LDLRAD3: variants seen among roughly 807,000 people sequenced by gnomAD.
LDLRAD3 encodes the protein low-density lipoprotein receptor class A domain-containing protein 3.
LDLRAD3 carries 20 observed loss-of-function variants against 29.4 expected under a neutral mutation model. That is an observed-to-expected ratio of 0.68 (90% confidence interval 0.48 to 0.99). The LOEUF is 0.99. Ranked by LOEUF, LDLRAD3 falls within the 50% of genes least tolerant of loss-of-function variation. The pLI, the probability that LDLRAD3 is intolerant of heterozygous loss-of-function variation, is 0.00. For synonymous variants in LDLRAD3, 157 were observed against 192.7 expected (o/e 0.81, Z 1.53); for missense variants, 420 against 454.3 (o/e 0.92, Z 0.69).
intron 4 of LDLRAD3, among the ~76,000 whole-genome samples, chr11:36,192,315 A>G (rs923612204): frequency 1.3e-5 from 2 of 152,202 alleles, no homozygotes; most frequent in African/African-American, 4.8e-5. Flanking sequence ...GGGCATGCAG[A>G]AGACCACTGC....
intron 1 of LDLRAD3, among the ~76,000 whole-genome samples, chr11:36,015,665 C>T (rs1590207422): frequency 6.6e-6 from 1 of 151,894 alleles, no homozygotes; most frequent in Non-Finnish European, 1.5e-5. Context: ...TCCCCCTGCC[C>T]CCCGCCACTG....
intron 1 of LDLRAD3, among the ~76,000 whole-genome samples, chr11:36,017,793 G>A (rs1852043093): frequency 6.6e-6 from 1 of 152,128 alleles, no homozygotes; most frequent in Non-Finnish European, 1.5e-5. Context: ...CACAGTGCTG[G>A]AATTATAGGC....
At chr11:36,166,147 G>C (rs1386553666) in intron 4 of LDLRAD3, among the ~76,000 whole-genome samples, 1 of 152,112 alleles carries the variant, frequency 6.6e-6, no homozygotes, top group Non-Finnish European at 1.5e-5. Flanking sequence ...ATAGTTGTTT[G>C]GCAGAAGGTC....
At chr11:36,103,257 A>C (rs1853476616) in intron 4 of LDLRAD3, among the ~76,000 whole-genome samples, 1 of 125,518 alleles carries the variant, frequency 8.0e-6, no homozygotes, top group African/African-American at 3.2e-5. Flanking sequence ...TTTTTTTTGA[A>C]GTGGAGTCTC....
At chr11:36,029,348 T>G (rs1230644309) in intron 1 of LDLRAD3, among the ~76,000 whole-genome samples, 2 of 152,216 alleles carry the variant, frequency 1.3e-5, no homozygotes, top group African/African-American at 4.8e-5. Context: ...TCCATAATAA[T>G]TGCTATCTTG....
intron 1 of LDLRAD3, among the ~76,000 whole-genome samples, chr11:35,986,433 T>C (rs1851615759): frequency 6.6e-6 from 1 of 152,234 alleles, no homozygotes; most frequent in African/African-American, 2.4e-5. Flanking sequence ...TAACCTGTTA[T>C]TTATTGTGAT....
chr11:35,997,416 G>C (rs2133173854), intron 1 of LDLRAD3: 1 of 418,502 alleles, frequency 2.4e-6, no homozygotes, highest in East Asian at 6.3e-5. Flanking sequence ...TCTCTTTGTG[G>C]TTCCTTGAGG....
intron 4 of LDLRAD3, among the ~76,000 whole-genome samples, chr11:36,187,041 G>A (rs1200455384): frequency 6.6e-6 from 1 of 152,168 alleles, no homozygotes; most frequent in Non-Finnish European, 1.5e-5. Context: ...TCTAGCAGAT[G>A]TGTGTGACCT....
At chr11:36,127,911 G>C (rs1024186945) in intron 4 of LDLRAD3, among the ~76,000 whole-genome samples, 4 of 151,408 alleles carry the variant, frequency 2.6e-5, no homozygotes, top group Admixed American at 6.6e-5. Flanking sequence ...ACTTTCCCTG[G>C]GTCAAAGGTC....
chr11:36,218,613 A>G (rs1855384978), intron 4 of LDLRAD3, among the ~76,000 whole-genome samples: 1 of 152,224 alleles, frequency 6.6e-6, no homozygotes, highest in Non-Finnish European at 1.5e-5. Context: ...TGGTTGCTTG[A>G]TGTGGACAGA....
At chr11:36,051,150 A>G (rs1336667713) in intron 2 of LDLRAD3, among the ~76,000 whole-genome samples, 3 of 152,236 alleles carry the variant, frequency 2.0e-5, no homozygotes, top group Non-Finnish European at 4.4e-5. Context: ...AAGCCTAAAT[A>G]TAGCCCTGAG....
At chr11:35,995,627 T>G (rs112978994) in intron 1 of LDLRAD3, among the ~76,000 whole-genome samples, 3 of 152,372 alleles carry the variant, frequency 2.0e-5, no homozygotes, top group Non-Finnish European at 4.4e-5. Context: ...TGTCTAGATA[T>G]GAAAGTCCTG....
At chr11:36,115,023 C>G (rs1041885477) in intron 4 of LDLRAD3, among the ~76,000 whole-genome samples, 6 of 152,312 alleles carry the variant, frequency 3.9e-5, no homozygotes, top group Admixed American at 2.0e-4. Context: ...GCGACATGGC[C>G]TCTTCCGTGT....
chr11:36,098,930 G>A (rs80219938), intron 4 of LDLRAD3, among the ~76,000 whole-genome samples: 4,787 of 151,806 alleles, frequency 0.032, 155 homozygotes, highest in East Asian at 0.11. Flanking sequence ...ATCATTGTCT[G>A]TGCCTGTCAG....
chr11:36,226,942 A>T, intron 4 of LDLRAD3, 143 bp from the exon 5 acceptor site: 2 of 640,148 alleles, frequency 3.1e-6, no homozygotes, highest in Non-Finnish European at 5.5e-6. Flanking sequence ...GTTGGTGGAC[A>T]TTTGGGCGGT....
intron 1 of LDLRAD3, among the ~76,000 whole-genome samples, chr11:35,992,221 A>G (rs1385762642): frequency 1.3e-5 from 2 of 152,170 alleles, no homozygotes; most frequent in Non-Finnish European, 2.9e-5. Flanking sequence ...CAAGAATGCA[A>G]CCTTGATTTT....
intron 4 of LDLRAD3, among the ~76,000 whole-genome samples, chr11:36,099,214 G>T (rs1207074975): frequency 6.6e-6 from 1 of 152,172 alleles, no homozygotes; most frequent in Non-Finnish European, 1.5e-5. Context: ...GGGAAGATGA[G>T]CTTTGTTAGG....
rs141851727 is a variant in LDLRAD3 at position 35,948,412 on chromosome 11, C to G, written c.46+4268C>G. ...TTTGCCAGTGCCTCTACCTGACAAC[C>G]AGGGAGATTTTTAAGTTGGCTGATC... On this transcript the variant is annotated intron_variant, in intron 1 of 5. Transcript: ENST00000315571. Among the ~76,000 whole-genome samples the G allele has an allele frequency of 2.0e-5, 3 of 151,092 alleles. No homozygotes were observed. The East Asian group carries it at 5.9e-4, about 30-fold the overall frequency.
At chr11:35,954,591 A>ACTAAG (rs1851178548) in intron 1 of LDLRAD3, among the ~76,000 whole-genome samples, 1 of 152,222 alleles carries the variant, frequency 6.6e-6, no homozygotes, top group Non-Finnish European at 1.5e-5. Flanking sequence ...GGAGAGTCAG[A>ACTAAG]CTAAGCCATG....
Sources: allele counts gnomAD v4.1 joint callset (sites outside exome capture counted in the v4.1 genomes callset), GRCh38; gene constraint gnomAD v4.1.1; transcripts MANE v1.5; gene names NCBI Gene and HGNC (gene_info 2026-07-23, HGNC 2026-07-21).